The following ITGBL1 variants were observed in gnomAD, a reference collection of about 807,000 sequenced individuals.
The protein encoded by ITGBL1 is integrin subunit beta like 1.
In ITGBL1, 51 loss-of-function variants were observed where a neutral mutation model predicts 68.5. That is an observed-to-expected ratio of 0.74 (90% confidence interval 0.59 to 0.94). The LOEUF (loss-of-function observed/expected upper bound fraction) is 0.94. Among genes scored for constraint, ITGBL1 ranks in the 40% least tolerant of loss-of-function variants. The probability of loss-of-function intolerance (pLI) is 0.00; values close to 1 mark genes in which losing one functional copy is unlikely to be tolerated. For synonymous variants in ITGBL1, 209 were observed against 227.3 expected, an observed-to-expected ratio of 0.92 and a Z score of 0.72; for missense variants, 649 against 647.4, an observed-to-expected ratio of 1.00 and a Z score of -0.03.
At chr13:101,679,987 GAC>G (rs2033603771) in intron 7 of ITGBL1, among the ~76,000 whole-genome samples, 2 of 152,196 alleles carry the variant, frequency 1.3e-5, no homozygotes, top group Admixed American at 1.3e-4. Flanking sequence ...TAGAAGAATC[GAC>G]ATTTATCTGT....
chr13:101,652,342 A>G (rs1392174140), intron 7 of ITGBL1, among the ~76,000 whole-genome samples: 2 of 152,148 alleles, frequency 1.3e-5, no homozygotes, highest in East Asian at 1.9e-4. Context: ...CAGGGTGGCC[A>G]TGTGACCTTA....
chr13:101,689,215 A>AAAAAAAAAAAAAAAAAAG, intron 7 of ITGBL1, among the ~76,000 whole-genome samples: 1 of 69,512 alleles, frequency 1.4e-5, no homozygotes, highest in Non-Finnish European at 3.3e-5. Flanking sequence ...TCTGCCTAAA[A>AAAAAAAAAAAAAAAAAAG]AAAAAAAAAA....
intron 6 of ITGBL1, among the ~76,000 whole-genome samples, chr13:101,583,921 A>G (rs926625995): frequency 2.6e-5 from 4 of 152,334 alleles, no homozygotes; most frequent in Admixed American, 2.0e-4. Flanking sequence ...AGCTCTAGAT[A>G]GCTACTCAGT....
At chr13:101,598,670 G>C (rs2030148638) in intron 7 of ITGBL1, among the ~76,000 whole-genome samples, 2 of 152,046 alleles carry the variant, frequency 1.3e-5, no homozygotes, top group African/African-American at 4.8e-5. Flanking sequence ...CCACCTATGA[G>C]TGAGAATATG....
intron 7 of ITGBL1, among the ~76,000 whole-genome samples, chr13:101,599,372 C>T (rs2030204521): frequency 2.0e-5 from 3 of 151,360 alleles, no homozygotes; most frequent in African/African-American, 4.9e-5. Flanking sequence ...AAAATTTTCT[C>T]CCATTCTGTA....
At chr13:101,667,796 G>C (rs1179606655) in intron 7 of ITGBL1, among the ~76,000 whole-genome samples, 3 of 151,686 alleles carry the variant, frequency 2.0e-5, no homozygotes, top group African/African-American at 7.3e-5. Flanking sequence ...TATGTTGTAT[G>C]TTGTATATAC....
At chr13:101,602,393 TAAG>T (rs1312095392) in intron 7 of ITGBL1, among the ~76,000 whole-genome samples, 1 of 152,006 alleles carries the variant, frequency 6.6e-6, no homozygotes, top group African/African-American at 2.4e-5. Context: ...TTTATCAAAA[TAAG>T]AAATGCAATT....
intron 2 of ITGBL1, among the ~76,000 whole-genome samples, chr13:101,534,431 A>G (rs1025827658): frequency 2.0e-5 from 3 of 152,184 alleles, no homozygotes; most frequent in Non-Finnish European, 4.4e-5. Context: ...TTAAAAGTGT[A>G]AGAGAAAGAT....
At chr13:101,525,276 T>C (rs1164986774) in intron 2 of ITGBL1, among the ~76,000 whole-genome samples, 2 of 152,146 alleles carry the variant, frequency 1.3e-5, no homozygotes, top group Non-Finnish European at 2.9e-5. Flanking sequence ...ACTTTTCTTG[T>C]TTGGGATTCA....
Position 101,467,936 on chromosome 13 carries a change from G to A in ITGBL1, c.316+13836G>A, listed in dbSNP as rs188923384. Among the ~76,000 whole-genome samples the A allele has an allele frequency of 5.3e-5, 8 of 152,068 alleles. No homozygotes were observed. In the East Asian group the frequency reaches 7.7e-4, roughly 15 times the overall value. ...GGCATTGCTTAAAAACTTCTCTTAC[G>A]GCAAGGTATTAACTGTAAATTCATG... On this transcript the variant is annotated intron_variant, in intron 2 of 10. Coordinates refer to ENST00000376180, the MANE Select transcript of ITGBL1 (RefSeq NM_004791.3).
Position 101,669,619 on chromosome 13 carries a change from T to C in ITGBL1, c.1016-22966T>C, listed in dbSNP as rs141330440. On this transcript the variant is annotated intron_variant, in intron 7 of 10. Transcript: ENST00000376180. ...TTAAAGCAACACAGTTTTCTTGGAT[T>C]ATTGATCTGCTCTCAGTGAAATTTG... Among the ~76,000 whole-genome samples the C allele has an allele frequency of 6.9e-4, 105 of 152,328 alleles. 1 individual carries two copies. In the East Asian group the frequency reaches 0.018, roughly 26 times the overall value.
At chr13:101,556,204 A>G (rs1304132222) in intron 2 of ITGBL1, among the ~76,000 whole-genome samples, 1 of 152,150 alleles carries the variant, frequency 6.6e-6, no homozygotes, top group Non-Finnish European at 1.5e-5. Flanking sequence ...TCCCCAAAAG[A>G]TGTGTTGAAG....
chr13:101,492,034 G>A (rs1234503921), intron 2 of ITGBL1, among the ~76,000 whole-genome samples: 2 of 152,132 alleles, frequency 1.3e-5, no homozygotes, highest in African/African-American at 4.8e-5. Flanking sequence ...GTCTATCATT[G>A]ATGGGCATTT....
intron 7 of ITGBL1, among the ~76,000 whole-genome samples, chr13:101,677,993 T>G (rs2033546755): frequency 6.6e-6 from 1 of 152,242 alleles, no homozygotes; most frequent in Admixed American, 6.5e-5. Flanking sequence ...TACGACCTTA[T>G]TTTTGAAAAT....
intron 7 of ITGBL1, among the ~76,000 whole-genome samples, chr13:101,632,349 A>G (rs1359936539): frequency 1.3e-5 from 2 of 152,218 alleles, no homozygotes; most frequent in African/African-American, 4.8e-5. Context: ...TAAAACCCCA[A>G]TGAGTTATCC....
At chr13:101,687,919 C>T (rs2033793245) in intron 7 of ITGBL1, among the ~76,000 whole-genome samples, 1 of 151,762 alleles carries the variant, frequency 6.6e-6, no homozygotes, top group Admixed American at 6.6e-5. Context: ...TTAAATATGT[C>T]GTATAAAGTA....
At chr13:101,579,538 C>A in intron 5 of ITGBL1, 111 bp downstream of exon 5, 1 of 1,107,760 alleles carries the variant, frequency 9.0e-7, no homozygotes, top group Non-Finnish European at 1.3e-6. Flanking sequence ...TATCTTCTAA[C>A]CATTTACTTT....
chr13:101,586,104 G>A (rs2050552603), intron 6 of ITGBL1, among the ~76,000 whole-genome samples: 1 of 152,160 alleles, frequency 6.6e-6, no homozygotes, highest in Admixed American at 6.5e-5. Context: ...TAGTCTTGGA[G>A]TGCTTACTCT....
chr13:101,696,589 T>G (rs2034007255), intron 8 of ITGBL1, among the ~76,000 whole-genome samples: 1 of 152,168 alleles, frequency 6.6e-6, no homozygotes, highest in African/African-American at 2.4e-5. Context: ...TCTTCCATGA[T>G]TTTTCCAAAT....
Sources: gnomAD v4.1 joint callset for allele counts (sites outside exome capture counted in the v4.1 genomes callset) on GRCh38, gnomAD v4.1.1 for gene constraint, MANE v1.5 for transcripts, NCBI Gene and HGNC (gene_info 2026-07-23, HGNC 2026-07-21) for gene names.